ASB4: variants seen among roughly 807,000 people sequenced by gnomAD.
ASB4 encodes ankyrin repeat and SOCS box containing 4.
In ASB4, 35 loss-of-function variants were observed where a neutral mutation model predicts 38.6. The observed-to-expected ratio is 0.91, with a 90% confidence interval of 0.69 to 1.20. ASB4 has a LOEUF of 1.20. Among genes scored for constraint, ASB4 ranks in the 50% most tolerant of loss-of-function variants. The pLI, the probability that ASB4 is intolerant of heterozygous loss-of-function variation, is 0.00. For missense variants in ASB4, 557 were observed against 527.2 expected (o/e 1.06, Z -0.55); for synonymous variants, 195 against 201.3 (o/e 0.97, Z 0.26).
upstream of ASB4, among the ~76,000 whole-genome samples, chr7:95,484,170 A>AAC (rs1297111124): frequency 1.3e-5 from 2 of 152,214 alleles, no homozygotes; most frequent in Middle Eastern, 3.4e-3. Context: ...TCTTCAAAAA[A>AAC]ACACACAAAA....
intron 1 of ASB4, among the ~76,000 whole-genome samples, chr7:95,479,989 G>A (rs924887796): frequency 2.0e-5 from 3 of 152,076 alleles, no homozygotes; most frequent in African/African-American, 4.8e-5. Flanking sequence ...GCTTATTCCC[G>A]CAATTCAAGT....
chr7:95,537,435 GT>G, intron 4 of ASB4, 135 bp from the exon 5 acceptor site: 1 of 584,460 alleles, frequency 1.7e-6, no homozygotes, highest in Non-Finnish European at 2.9e-6. Context: ...TCAATATTGC[GT>G]TTAATTTTTG....
the ASB4 span, among the ~76,000 whole-genome samples, chr7:95,549,543 C>T: frequency 2.0e-5 from 3 of 152,112 alleles, no homozygotes; most frequent in South Asian, 4.1e-4. Context: ...GTGATCCGCC[C>T]GCCTTGGGCT....
At chr7:95,530,105 C>CAAAAAAAAAAAAA (rs60923712) in intron 3 of ASB4, among the ~76,000 whole-genome samples, 4 of 99,678 alleles carry the variant, frequency 4.0e-5, no homozygotes, top group Non-Finnish European at 5.9e-5. Flanking sequence ...AAAAGCAGGG[C>CAAAAAAAAAAAAA]AAAAAAAAAA....
intron 2 of ASB4, among the ~76,000 whole-genome samples, chr7:95,503,660 T>C (rs1019705423): frequency 6.6e-6 from 1 of 152,182 alleles, no homozygotes; most frequent in African/African-American, 2.4e-5. Context: ...CATCACTTTG[T>C]AGCTGGACAG....
intron 2 of ASB4, among the ~76,000 whole-genome samples, chr7:95,515,372 CTTTCTTTTCTTTTCTTTTT>C (rs1790568368): frequency 9.5e-6 from 1 of 104,760 alleles, no homozygotes; most frequent in African/African-American, 3.5e-5. Context: ...TCTTTTCTTT[CTTTCTTTTCTTTTCTTTTT>C]TTTCTTTTCT....
intron 2 of ASB4, among the ~76,000 whole-genome samples, chr7:95,518,951 A>G (rs1292055537): frequency 6.6e-6 from 1 of 152,208 alleles, no homozygotes; most frequent in Non-Finnish European, 1.5e-5. Context: ...AATAAAGAGT[A>G]ATTTCACGGG....
upstream of ASB4, among the ~76,000 whole-genome samples, chr7:95,476,855 C>A (rs968100599): frequency 6.6e-6 from 1 of 152,154 alleles, no homozygotes; most frequent in Non-Finnish European, 1.5e-5. Context: ...CTTCTTAATA[C>A]CATTGTAGCA....
At chr7:95,510,950 C>G (rs751969861) in intron 2 of ASB4, among the ~76,000 whole-genome samples, 1 of 152,138 alleles carries the variant, frequency 6.6e-6, no homozygotes, top group Non-Finnish European at 1.5e-5. Flanking sequence ...ATCCTCTGAA[C>G]ATTTTAAATA....
chr7:95,537,685 G>A lies in ASB4; in HGVS notation c.1207G>A (p.Ala403Thr), dbSNP rs1333007412. The stretch of plus-strand genomic sequence containing the variant: ...AACATTACACAACAGATGCCATAGA[G>A]CAATTCCTTTGCTTTCCCTCCCATT... ...RRTLHNRCHR[A>T]IPLLSLPLSL... Residue 403 changes from alanine to threonine, a missense_variant, in exon 5 of 5, where the codon GCA becomes ACA. Transcript: ENST00000325885. 2.5e-6 allele frequency: 4 copies of A among 1,613,746 alleles called. No individual in the cohort carries two copies. The highest frequency in any genetic ancestry group is 3.4e-6 in the Non-Finnish European group (4 of 1,179,852).
chr7:95,491,017 A>G (rs1485783086), intron 1 of ASB4, among the ~76,000 whole-genome samples: 1 of 152,190 alleles, frequency 6.6e-6, no homozygotes, highest in Non-Finnish European at 1.5e-5. Flanking sequence ...TACTTGTTAT[A>G]TGAACATGGA....
intron 1 of ASB4, among the ~76,000 whole-genome samples, chr7:95,491,465 G>C (rs1432483241): frequency 6.6e-6 from 1 of 152,150 alleles, no homozygotes; most frequent in East Asian, 1.9e-4. Flanking sequence ...ATAGTAAAAG[G>C]GCAGCCTGAA....
upstream of ASB4, among the ~76,000 whole-genome samples, chr7:95,485,272 C>G (rs1406901451): frequency 2.0e-5 from 3 of 152,040 alleles, no homozygotes; most frequent in Non-Finnish European, 4.4e-5. Context: ...TCTTTTCTAG[C>G]TGATTAAAAA....
intron 4 of ASB4, among the ~76,000 whole-genome samples, 184 bp from the exon 5 acceptor site, chr7:95,537,387 C>A (rs1790902507): frequency 6.6e-6 from 1 of 152,174 alleles, no homozygotes; most frequent in Non-Finnish European, 1.5e-5. Context: ...TATTTCCCCT[C>A]CCCTTTCCTT....
the ASB4 span, among the ~76,000 whole-genome samples, chr7:95,551,141 A>C: frequency 6.6e-6 from 1 of 152,040 alleles, no homozygotes; most frequent in East Asian, 1.9e-4. Context: ...CCACCATGCC[A>C]GGCTCATTTT....
upstream of ASB4, among the ~76,000 whole-genome samples, chr7:95,476,188 G>A (rs1482850311): frequency 1.3e-5 from 2 of 152,100 alleles, no homozygotes. Context: ...ACATCTGTCG[G>A]TCCCTACTAC....
chr7:95,507,505 C>T (rs1372039591), intron 2 of ASB4, among the ~76,000 whole-genome samples: 1 of 152,076 alleles, frequency 6.6e-6, no homozygotes. Context: ...ATTCTCATAG[C>T]ACATTGTAGC....
chr7:95,527,754 C>A, intron 2 of ASB4, 59 bp from the exon 3 acceptor site: 5 of 1,473,184 alleles, frequency 3.4e-6, no homozygotes, highest in Non-Finnish European at 4.6e-6. Flanking sequence ...GTTTAATGAA[C>A]CTTAGGAATA....
chr7:95,506,568 G>A (rs1790411101), intron 2 of ASB4, among the ~76,000 whole-genome samples: 1 of 152,096 alleles, frequency 6.6e-6, no homozygotes, highest in African/African-American at 2.4e-5. Context: ...TTTTAGCATG[G>A]TGAAGGCATT....
Sources: allele counts gnomAD v4.1 joint callset (sites outside exome capture counted in the v4.1 genomes callset), GRCh38; gene constraint gnomAD v4.1.1; transcripts MANE v1.5; gene names NCBI Gene and HGNC (gene_info 2026-07-23, HGNC 2026-07-21).